LDLRAD4: variants seen among roughly 807,000 people sequenced by gnomAD.
LDLRAD4 encodes low-density lipoprotein receptor class A domain-containing protein 4.
Under a neutral mutation model 17.0 loss-of-function variants are expected in LDLRAD4, and 5 were observed. That is an observed-to-expected ratio of 0.29 (90% CI 0.15 to 0.62). LDLRAD4 has a LOEUF of 0.62. LDLRAD4 is among the 20% of genes least tolerant of loss of function. LDLRAD4 has a pLI of 0.84. For synonymous variants in LDLRAD4, 168 were observed against 171.8 expected, an observed-to-expected ratio of 0.98 and a Z score of 0.17; for missense variants, 340 against 424.7, an observed-to-expected ratio of 0.80 and a Z score of 1.75.
chr18:13,620,582 G>A (rs1350840701), intron 3 of LDLRAD4, among the ~76,000 whole-genome samples: 1 of 152,232 alleles, frequency 6.6e-6, no homozygotes, highest in Non-Finnish European at 1.5e-5. Context: ...CATGTGAAGT[G>A]TGTGTCAATG....
In LDLRAD4 at chr18:13,366,374, C is replaced by T. The variant is rs113181408; in HGVS notation, c.-382-20967C>T. On this transcript the variant is annotated intron_variant, in intron 1 of 5. Coordinates refer to ENST00000359446, the Ensembl canonical transcript of LDLRAD4. ...TCTCAGCAGGTAGAGAGGATAATCC[C>T]GGGCATGGTTTCCTCCTGGTATTGT... 9.4e-3 allele frequency: 1,426 copies of T among 152,286 alleles called. 13 individuals carry two copies. Among genetic ancestry groups the T allele is most frequent in the Non-Finnish European group, 0.015 (991 of 68,032 alleles). The allele number at this position is 152,286 out of a possible 1,614,324, so 9.4% of individuals were successfully genotyped here. A position where few individuals can be genotyped will look rare whatever the true frequency, so the allele number is the denominator to read the frequency against.
At chr18:13,222,962 G>A (rs998361890) in intron 1 of LDLRAD4, among the ~76,000 whole-genome samples, 2 of 152,328 alleles carry the variant, frequency 1.3e-5, no homozygotes, top group South Asian at 2.1e-4. Context: ...AATTGTCTAC[G>A]ATAGATAAGG....
chr18:13,229,344 C>T (rs182742949), intron 1 of LDLRAD4, among the ~76,000 whole-genome samples: 81 of 152,354 alleles, frequency 5.3e-4, no homozygotes, highest in African/African-American at 1.8e-3. Flanking sequence ...CAGTTCACCT[C>T]TGAAATAGCT....
At chr18:13,595,447 C>T (rs1183583991) in intron 3 of LDLRAD4, among the ~76,000 whole-genome samples, 1 of 151,938 alleles carries the variant, frequency 6.6e-6, no homozygotes, top group Non-Finnish European at 1.5e-5. Flanking sequence ...TTCTAGATTT[C>T]CTTTTGGGGG....
At chr18:13,345,784 A>G (rs924230149) in intron 1 of LDLRAD4, among the ~76,000 whole-genome samples, 2 of 152,130 alleles carry the variant, frequency 1.3e-5, no homozygotes, top group African/African-American at 2.4e-5. Context: ...CAGAGATTCA[A>G]CTTCTTCCTG....
chr18:13,445,880 A>T (rs1600334575), intron 3 of LDLRAD4, among the ~76,000 whole-genome samples: 1 of 151,964 alleles, frequency 6.6e-6, no homozygotes, highest in East Asian at 1.9e-4. Flanking sequence ...ACCTGGAGTC[A>T]CCACCACTCA....
At chr18:13,472,791 C>G (rs2092814794) in intron 3 of LDLRAD4, 1 of 152,214 alleles carries the variant, frequency 6.6e-6, no homozygotes. Flanking sequence ...CAAACATACT[C>G]CTTGTTTGTT....
intron 2 of LDLRAD4, among the ~76,000 whole-genome samples, chr18:13,436,038 C>G (rs1038950928): frequency 6.6e-6 from 1 of 152,208 alleles, no homozygotes; most frequent in Non-Finnish European, 1.5e-5. Flanking sequence ...TTATGAGGCT[C>G]AGATCAAATT....
chr18:13,381,974 G>A (rs1020998582), intron 1 of LDLRAD4, among the ~76,000 whole-genome samples: 1 of 152,186 alleles, frequency 6.6e-6, no homozygotes, highest in African/African-American at 2.4e-5. Flanking sequence ...AACTTCTCTG[G>A]TGGGTAGAGT....
chr18:13,343,226 T>TC (rs1252149062), intron 1 of LDLRAD4, among the ~76,000 whole-genome samples: 1 of 87,614 alleles, frequency 1.1e-5, no homozygotes, highest in Non-Finnish European at 2.2e-5. Flanking sequence ...ATGCTATCCC[T>TC]CCCCCCTCCC....
chr18:13,578,827 CT>C (rs1003295658), intron 3 of LDLRAD4, among the ~76,000 whole-genome samples: 359 of 65,640 alleles, frequency 5.5e-3, no homozygotes, highest in East Asian at 0.016. Context: ...TTGTCCGGGT[CT>C]TTTTTTTTTT....
At chr18:13,342,096 A>T (rs1444154640) in intron 1 of LDLRAD4, among the ~76,000 whole-genome samples, 1 of 152,086 alleles carries the variant, frequency 6.6e-6, no homozygotes, top group Non-Finnish European at 1.5e-5. Flanking sequence ...CCTTGATCGT[A>T]TTGTATAATC....
chr18:13,474,799 A>G (rs6505815), intron 3 of LDLRAD4, among the ~76,000 whole-genome samples: 130,287 of 152,200 alleles, frequency 0.86, 55,975 homozygotes, highest in South Asian at 0.94. Flanking sequence ...TAGGATGGCT[A>G]TGTCTGACTC....
intron 3 of LDLRAD4, among the ~76,000 whole-genome samples, chr18:13,557,408 C>CT (rs369178377): frequency 0.011 from 1,624 of 149,200 alleles, 15 homozygotes; most frequent in African/African-American, 0.031. Context: ...TAGACAAAGC[C>CT]TTTTTTTTTT....
At chr18:13,524,832 A>G (rs180892381) in intron 3 of LDLRAD4, among the ~76,000 whole-genome samples, 26 of 152,334 alleles carry the variant, frequency 1.7e-4, no homozygotes, top group African/African-American at 4.8e-4. Context: ...TTTTATCCTG[A>G]GCTTCTGAAG....
At chr18:13,605,025 G>A (rs2095207931) in intron 3 of LDLRAD4, among the ~76,000 whole-genome samples, 1 of 152,156 alleles carries the variant, frequency 6.6e-6, no homozygotes, top group African/African-American at 2.4e-5. Context: ...AGAGAAAGCG[G>A]GGCCAGGCTC....
chr18:13,407,026 A>G (rs1017671045), intron 2 of LDLRAD4, among the ~76,000 whole-genome samples: 1 of 152,210 alleles, frequency 6.6e-6, no homozygotes, highest in Non-Finnish European at 1.5e-5. Flanking sequence ...CGATAAACTT[A>G]GCACGGCGTG....
chr18:13,499,764 G>T (rs1178387842), intron 3 of LDLRAD4, among the ~76,000 whole-genome samples: 1 of 152,134 alleles, frequency 6.6e-6, no homozygotes, highest in Non-Finnish European at 1.5e-5. Flanking sequence ...TCCAGCCGTG[G>T]ACACTGGAGA....
intron 1 of LDLRAD4, among the ~76,000 whole-genome samples, chr18:13,337,221 C>T (rs372459487): frequency 3.9e-5 from 6 of 152,162 alleles, no homozygotes; most frequent in East Asian, 1.9e-4. Flanking sequence ...GTCCCATTCG[C>T]GCACTCATAC....
Sources: gnomAD v4.1 joint callset for allele counts (sites outside exome capture counted in the v4.1 genomes callset) on GRCh38, gnomAD v4.1.1 for gene constraint, MANE v1.5 for transcripts, NCBI Gene and HGNC (gene_info 2026-07-23, HGNC 2026-07-21) for gene names.